The following MDH2 variants were observed in gnomAD, a reference collection of about 807,000 sequenced individuals.
MDH2 encodes malate dehydrogenase 2, also known as malate dehydrogenase, mitochondrial.
A neutral mutation model predicts 33.6 loss-of-function variants in MDH2; 25 were observed. The observed-to-expected ratio is 0.74, with a 90% confidence interval of 0.54 to 1.04. The LOEUF (loss-of-function observed/expected upper bound fraction) is 1.04, where lower values mean the gene tolerates loss of function less well. Ranked by LOEUF, MDH2 falls within the 50% of genes least tolerant of loss-of-function variation. The probability of loss-of-function intolerance (pLI) is 0.00; values close to 1 mark genes in which losing one functional copy is unlikely to be tolerated. For missense variants in MDH2, 432 were observed against 445.0 expected, an observed-to-expected ratio of 0.97 and a Z score of 0.26; for synonymous variants, 193 against 188.7, an observed-to-expected ratio of 1.02 and a Z score of -0.19.
At chr7:76,057,384 T>C (rs187542809) in intron 2 of MDH2, 26 bp from the exon 3 acceptor site, 3 of 1,613,024 alleles carry the variant, frequency 1.9e-6, no homozygotes, top group East Asian at 4.5e-5. Context: ...AACGGTGACA[T>C]TTCTCTTGTG....
intron 5 of MDH2, 97 bp from the exon 6 acceptor site, chr7:76,063,418 T>TG (rs1205257363): frequency 1.2e-4 from 140 of 1,200,838 alleles, no homozygotes; most frequent in Middle Eastern, 1.1e-3. Flanking sequence ...CCCTGAGTTC[T>TG]GGGGGGCTTT....
At chr7:76,062,488 G>A (rs1488430142) in intron 5 of MDH2, among the ~76,000 whole-genome samples, 1 of 152,230 alleles carries the variant, frequency 6.6e-6, no homozygotes, top group Non-Finnish European at 1.5e-5. Flanking sequence ...CCGTGCGTGA[G>A]GCTGATCCTC....
intron 2 of MDH2, among the ~76,000 whole-genome samples, chr7:76,055,592 C>A (rs768069478): frequency 6.6e-6 from 1 of 151,512 alleles, no homozygotes; most frequent in Non-Finnish European, 1.5e-5. Context: ...CAAAAATTAG[C>A]TGGGCGTGAT....
intron 1 of MDH2, chr7:76,054,502 T>C (rs541707651): frequency 9.0e-6 from 3 of 334,834 alleles, no homozygotes; most frequent in South Asian, 8.3e-5. Context: ...TGTGTGTTTA[T>C]AGTTTATAAA....
Position 76,066,325 on chromosome 7 carries a change from T to C in MDH2, c.932T>C (p.Phe311Ser), listed in dbSNP as rs782353063. Residue 311 changes from phenylalanine (F) to serine (S), a missense_variant, in exon 9 of 9, where the codon TTT becomes TCT. By Grantham distance (155) the Phe-to-Ser change is radical. Transcript: ENST00000315758. ...KNLGIGKVSS[F>S]EEKMISDAIP... ...CTGGGCATCGGCAAAGTCTCCTCTT[T>C]TGAGGAGAAGATGATCTCGGATGCC... The C allele has an allele frequency of 2.7e-5, 44 of 1,610,576 alleles. No individual in the cohort carries two copies. Among genetic ancestry groups the C allele is most frequent in the African/African-American group, 4.1e-5 (3 of 73,864 alleles).
intron 1 of MDH2, among the ~76,000 whole-genome samples, chr7:76,051,520 C>A (rs1797626188): frequency 6.6e-6 from 1 of 151,944 alleles, no homozygotes; most frequent in Non-Finnish European, 1.5e-5. Flanking sequence ...AGGGTTTCTC[C>A]ATGTTGGTCA....
intron 4 of MDH2, among the ~76,000 whole-genome samples, chr7:76,059,345 G>T (rs1797877354): frequency 6.6e-6 from 1 of 152,210 alleles, no homozygotes; most frequent in Non-Finnish European, 1.5e-5. Context: ...TGAAACCATG[G>T]ATAAGGTGGG....
rs71521108 is a variant in MDH2, at chr7:76,048,981, CGGGGGGGGG to C, written c.66+764_66+772del. 4.5e-3 allele frequency: 2,230 copies of C among 500,396 alleles called. 402 individuals carry two copies. In the African/African-American group the frequency reaches 0.11, roughly 25 times the overall value. 31.0% of individuals were successfully genotyped at this position (500,396 alleles called of 1,614,324 possible). A position where few individuals can be genotyped will look rare whatever the true frequency, so the allele number is the denominator to read the frequency against. ...GGTTCATTGAAGAAGCTTAAGACTG[CGGGGGGGGG>C]GGGGGGGGTCCGCATTTTTACCAGG... On this transcript the variant is annotated intron_variant, in intron 1 of 8. Transcript: ENST00000315758.
intron 2 of MDH2, among the ~76,000 whole-genome samples, chr7:76,055,822 G>A (rs1345086099): frequency 7.4e-6 from 1 of 135,754 alleles, no homozygotes; most frequent in African/African-American, 2.7e-5. Flanking sequence ...ATTTTTGCAT[G>A]TCACCAAATT....
chr7:76,061,044 C>T (rs880000205), intron 5 of MDH2, among the ~76,000 whole-genome samples: 2 of 152,070 alleles, frequency 1.3e-5, no homozygotes, highest in Non-Finnish European at 1.5e-5. Context: ...ACCCTAGGGC[C>T]GCTGGACGGA....
At chr7:76,060,589 GC>G in intron 5 of MDH2, 91 bp downstream of exon 5, 2 of 1,541,590 alleles carry the variant, frequency 1.3e-6, no homozygotes, top group Non-Finnish European at 1.8e-6. Context: ...ATGAAGGCAT[GC>G]CCAGGTCACG....
intron 1 of MDH2, chr7:76,048,961 A>T: frequency 1.6e-6 from 1 of 614,900 alleles, no homozygotes. Context: ...GTCTGGGTTC[A>T]TTGAAGAAGC....
chr7:76,062,417 C>T lies in MDH2; in HGVS notation c.556-1098C>T, dbSNP rs1181863329. ...GTGCCCGCACGTGTGTGCTTATACACCACCAAGCTAAGCCTCTCGGATCTT... is the reference window on the plus strand; with the variant it reads ...GTGCCCGCACGTGTGTGCTTATACATCACCAAGCTAAGCCTCTCGGATCTT... On this transcript the variant is annotated intron_variant, in intron 5 of 8. Coordinates refer to ENST00000315758, the MANE Select transcript of MDH2 (RefSeq NM_005918.4). Among the ~76,000 whole-genome samples, 3 of 152,238 alleles carry T rather than the reference C, an allele frequency of 2.0e-5. No individual in the cohort carries two copies. In the East Asian group the frequency reaches 5.8e-4, roughly 29 times the overall value.
chr7:76,049,147 TC>T (rs1797496665), intron 1 of MDH2: 1 of 968,520 alleles, frequency 1.0e-6, no homozygotes, highest in Non-Finnish European at 1.2e-6. Flanking sequence ...TTCCTGTACA[TC>T]CAGTTCATTT....
rs1563548381 is a variant in MDH2, at chr7:76,057,488, A to G, written c.314A>G (p.Lys105Arg). The change falls in exon 3 of 9, where the codon AAG becomes AGG. Residue 105 changes from lysine (K) to arginine (R), a missense_variant. Transcript: ENST00000315758. ...VVVIPAGVPRKPGMTRDDLFN... is the reference protein window; with the variant it reads ...VVVIPAGVPRRPGMTRDDLFN... Reference sequence around the variant, plus strand: ...GTTATTCCGGCTGGAGTCCCCAGAAAGCCAGGTTTGTGTTTGAAAGCCTTG... The same window carrying G: ...GTTATTCCGGCTGGAGTCCCCAGAAGGCCAGGTTTGTGTTTGAAAGCCTTG... 1 of 1,614,150 alleles carries G rather than the reference A, an allele frequency of 6.2e-7. No individual in the cohort carries two copies. The highest frequency in any genetic ancestry group is 1.7e-5 in the Admixed American group (1 of 60,014).
At position 76,065,034 on chromosome 7, in the gene MDH2, C is replaced by T. The variant is rs1276411241; in HGVS notation, c.885+81C>T. 2.0e-6 allele frequency: 3 copies of T among 1,518,440 alleles called. No individual in the cohort carries two copies. The Admixed American group carries it at 5.2e-5, about 26-fold the overall frequency. 94.1% of individuals were successfully genotyped at this position (1,518,440 alleles called of 1,614,324 possible). On this transcript the variant is annotated intron_variant, in intron 8 of 8. Transcript: ENST00000315758. ...CTTAAGCCTCAGGAGCTCTCCCTGG[C>T]CCTTTATGCAGTAAGCTCATGTGCC...
rs539290697 is a variant in MDH2 at position 76,064,405 on chromosome 7, G to A, written c.700G>A (p.Gly234Ser). ...ACTCACTGGGCGGATCCAGGAGGCC[G>A]GCACGGAGGTGGTCAAGGCTAAAGC... ...TALTGRIQEA[G>S]TEVVKAKAGA... The change falls in exon 7 of 9, where the codon GGC becomes AGC. Residue 234 changes from glycine (G) to serine (S), a missense_variant. Transcript: ENST00000315758. The A allele has an allele frequency of 8.1e-6, 13 of 1,613,614 alleles. No homozygotes were observed. The highest frequency in any genetic ancestry group is 6.7e-5 in the Admixed American group (4 of 59,972).
At chr7:76,050,153 C>T (rs1366467137) in intron 1 of MDH2, among the ~76,000 whole-genome samples, 1 of 152,162 alleles carries the variant, frequency 6.6e-6, no homozygotes, top group East Asian at 1.9e-4. Context: ...CTCATCCTCC[C>T]GAGTAGGTGG....
At chr7:76,049,065 C>T in intron 1 of MDH2, 2 of 982,860 alleles carry the variant, frequency 2.0e-6, no homozygotes, top group South Asian at 9.5e-5. Context: ...CTCGCATTGC[C>T]TTTTAATTAC....
Sources: gnomAD v4.1 joint callset for allele counts (sites outside exome capture counted in the v4.1 genomes callset) on GRCh38, gnomAD v4.1.1 for gene constraint, MANE v1.5 for transcripts, NCBI Gene and HGNC (gene_info 2026-07-23, HGNC 2026-07-21) for gene names.